Variants in SGCZ observed in about 807,000 individuals in gnomAD.
SGCZ encodes zeta-sarcoglycan.
Under a neutral mutation model 41.3 loss-of-function variants are expected in SGCZ, and 40 were observed. The observed-to-expected ratio is 0.97, with a 90% confidence interval of 0.75 to 1.26. The LOEUF (loss-of-function observed/expected upper bound fraction) is 1.26, where lower values mean the gene tolerates loss of function less well. Ranked by LOEUF, SGCZ falls within the 50% of genes most tolerant of loss-of-function variation. SGCZ has a pLI of 0.00. For missense variants in SGCZ, 552 were observed against 369.8 expected, an observed-to-expected ratio of 1.49 and a Z score of -4.04; for synonymous variants, 206 against 137.5, an observed-to-expected ratio of 1.50 and a Z score of -3.49.
In SGCZ at chr8:14,674,928, G is replaced by GCTTT. The variant is rs1554478141; in HGVS notation, c.40-120003_40-120002insAAAG. ...GCCAATTTAACCTCTTTTCTTTTCTGTTTTTTTTTTTTTTTTTTTTTTTTT... is the reference window on the plus strand; with the variant it reads ...GCCAATTTAACCTCTTTTCTTTTCTGCTTTTTTTTTTTTTTTTTTTTTTTTTTTT... On this transcript the variant is annotated intron_variant, in intron 1 of 7. Transcript: ENST00000382080. Among the ~76,000 whole-genome samples, 59 of 71,002 alleles carry GCTTT rather than the reference G, an allele frequency of 8.3e-4. 6 individuals are homozygous for GCTTT. Among genetic ancestry groups the GCTTT allele is most frequent in the Middle Eastern group, 8.6e-3 (1 of 116 alleles). The allele number at this position is 71,002 out of a possible 152,430, so 46.6% of individuals were successfully genotyped here.
At chr8:14,315,588 G>T (rs963285235) in intron 3 of SGCZ, among the ~76,000 whole-genome samples, 4 of 151,876 alleles carry the variant, frequency 2.6e-5, no homozygotes, top group African/African-American at 9.7e-5. Flanking sequence ...GTAAATATTA[G>T]AACTTACTTA....
At chr8:14,121,690 G>C (rs1183080003) in intron 5 of SGCZ, among the ~76,000 whole-genome samples, 1 of 152,056 alleles carries the variant, frequency 6.6e-6, no homozygotes, top group South Asian at 2.1e-4. Flanking sequence ...ACAGTATATA[G>C]TTTCTCTAAT....
intron 2 of SGCZ, among the ~76,000 whole-genome samples, chr8:14,330,689 C>A (rs1802285953): frequency 6.6e-6 from 1 of 151,880 alleles, no homozygotes; most frequent in East Asian, 1.9e-4. Flanking sequence ...CATGGTAATT[C>A]ACTCCCTCCT....
At chr8:14,257,820 A>C (rs928310339) in intron 3 of SGCZ, among the ~76,000 whole-genome samples, 1 of 152,164 alleles carries the variant, frequency 6.6e-6, no homozygotes, top group African/African-American at 2.4e-5. Flanking sequence ...GAAGCTCTAC[A>C]TAACAAATTT....
intron 2 of SGCZ, among the ~76,000 whole-genome samples, chr8:14,548,868 T>C (rs1429589201): frequency 6.6e-6 from 1 of 152,116 alleles, no homozygotes; most frequent in Non-Finnish European, 1.5e-5. Context: ...AATTCTTAAA[T>C]GAAGAGGTAT....
chr8:14,610,280 C>G (rs1341657684), intron 1 of SGCZ, among the ~76,000 whole-genome samples: 3 of 152,176 alleles, frequency 2.0e-5, no homozygotes, highest in Admixed American at 6.5e-5. Context: ...CCCCTTTTCT[C>G]CCTGAAAACA....
At chr8:14,521,683 ATAGT>A (rs1188753184) in intron 2 of SGCZ, among the ~76,000 whole-genome samples, 1 of 152,118 alleles carries the variant, frequency 6.6e-6, no homozygotes, top group African/African-American at 2.4e-5. Flanking sequence ...GAGTCATGTG[ATAGT>A]TAGATGGTTA....
chr8:14,424,756 A>C (rs1799731197), intron 2 of SGCZ, among the ~76,000 whole-genome samples: 1 of 152,186 alleles, frequency 6.6e-6, no homozygotes, highest in African/African-American at 2.4e-5. Context: ...TTAGTTTTCT[A>C]ATACAATGAA....
At chr8:14,814,262 C>T (rs1801827626) in intron 1 of SGCZ, among the ~76,000 whole-genome samples, 1 of 152,260 alleles carries the variant, frequency 6.6e-6, no homozygotes, top group Admixed American at 6.5e-5. Flanking sequence ...CCTGACTACG[C>T]CTCTACCTCC....
At chr8:15,053,729 A>T (rs1189205208) in intron 1 of SGCZ, among the ~76,000 whole-genome samples, 1 of 152,148 alleles carries the variant, frequency 6.6e-6, no homozygotes, top group Non-Finnish European at 1.5e-5. Context: ...TGCTGTGCTG[A>T]CACATAGGTT....
chr8:14,283,421 A>G (rs544472311), intron 3 of SGCZ, among the ~76,000 whole-genome samples: 2 of 152,190 alleles, frequency 1.3e-5, no homozygotes, highest in African/African-American at 4.8e-5. Flanking sequence ...TTTCTCGTTC[A>G]ACAAATGTTC....
intron 1 of SGCZ, among the ~76,000 whole-genome samples, chr8:14,710,954 AAAGC>A: frequency 6.6e-6 from 1 of 152,354 alleles, no homozygotes; most frequent in African/African-American, 2.4e-5. Flanking sequence ...ACTTTAGAAG[AAAGC>A]AAGTAAGAGG....
chr8:14,853,740 G>T (rs1221433018), intron 1 of SGCZ, among the ~76,000 whole-genome samples: 2 of 151,924 alleles, frequency 1.3e-5, no homozygotes, highest in Non-Finnish European at 2.9e-5. Context: ...CTAGTGAAAC[G>T]CTTGGGAAAG....
chr8:15,127,234 A>G (rs1010150148), intron 1 of SGCZ, among the ~76,000 whole-genome samples: 7 of 16,102 alleles, frequency 4.3e-4, no homozygotes, highest in African/African-American at 6.4e-4. Context: ...ATCTATAGGC[A>G]CACACACACA....
At chr8:14,371,876 C>A (rs1203933330) in intron 2 of SGCZ, among the ~76,000 whole-genome samples, 1 of 152,012 alleles carries the variant, frequency 6.6e-6, no homozygotes, top group Non-Finnish European at 1.5e-5. Flanking sequence ...ATAGAATAAT[C>A]TTTATATGCC....
At chr8:14,290,336 A>G (rs1165575021) in intron 3 of SGCZ, among the ~76,000 whole-genome samples, 4 of 151,766 alleles carry the variant, frequency 2.6e-5, no homozygotes, top group Non-Finnish European at 5.9e-5. Context: ...ATATAGACAC[A>G]TGAGGTTAGA....
chr8:14,698,149 A>G (rs996481495), intron 1 of SGCZ, among the ~76,000 whole-genome samples: 1 of 152,010 alleles, frequency 6.6e-6, no homozygotes, highest in Non-Finnish European at 1.5e-5. Flanking sequence ...CAAAATATAG[A>G]TGTGTTCCTT....
At chr8:14,494,611 T>A (rs1048022061) in intron 2 of SGCZ, among the ~76,000 whole-genome samples, 30 of 152,192 alleles carry the variant, frequency 2.0e-4, no homozygotes, top group African/African-American at 7.0e-4. Context: ...GATTTTGTAT[T>A]TTCAATTTAC....
At chr8:14,301,829 T>C (rs1404157666) in intron 3 of SGCZ, among the ~76,000 whole-genome samples, 1 of 152,152 alleles carries the variant, frequency 6.6e-6, no homozygotes, top group Non-Finnish European at 1.5e-5. Flanking sequence ...TATTTTGTTA[T>C]TCATCTATCT....
Sources: allele counts gnomAD v4.1 joint callset (sites outside exome capture counted in the v4.1 genomes callset), GRCh38; gene constraint gnomAD v4.1.1; transcripts MANE v1.5; gene names NCBI Gene and HGNC (gene_info 2026-07-23, HGNC 2026-07-21).